The following PLCE1 variants were observed in gnomAD, a reference collection of about 807,000 sequenced individuals.
PLCE1 encodes the protein phospholipase C epsilon 1.
In PLCE1, 119 loss-of-function variants were observed where a neutral mutation model predicts 242.8. The ratio of observed to expected loss-of-function variants is 0.49; its 90% CI spans 0.42 to 0.57. The LOEUF (loss-of-function observed/expected upper bound fraction) is 0.57, where lower values mean the gene tolerates loss of function less well. Among genes scored for constraint, PLCE1 ranks in the 20% least tolerant of loss-of-function variants. The pLI is 0.00. For synonymous variants in PLCE1, 945 were observed against 1,017.4 expected (o/e 0.93, Z 1.35); for missense variants, 2,441 against 2,788.8 (o/e 0.88, Z 2.81).
intron 3 of PLCE1, among the ~76,000 whole-genome samples, chr10:94,162,337 T>C (rs985960616): frequency 6.6e-6 from 1 of 152,220 alleles, no homozygotes; most frequent in Non-Finnish European, 1.5e-5. Context: ...TTTCAGAGCC[T>C]GTTATTGGTC....
At chr10:94,227,147 G>A in intron 4 of PLCE1, 159 bp from the exon 5 acceptor site, 1 of 673,304 alleles carries the variant, frequency 1.5e-6, no homozygotes, top group Non-Finnish European at 2.7e-6. Context: ...AAAGTGCTGG[G>A]ATTACAGGCG....
chr10:94,014,492 C>T (rs961070946), intron 1 of PLCE1, among the ~76,000 whole-genome samples: 2 of 150,342 alleles, frequency 1.3e-5, no homozygotes, highest in Admixed American at 6.6e-5. Context: ...GTAGTCCCAG[C>T]TGAATGAGAT....
chr10:94,057,646 G>T (rs10882391), intron 2 of PLCE1, among the ~76,000 whole-genome samples: 47,459 of 152,046 alleles, frequency 0.31, 8,088 homozygotes, highest in African/African-American at 0.45. Context: ...TTTTTCTAAA[G>T]AGAACTTAAC....
chr10:94,268,345 T>C (rs77710466), intron 16 of PLCE1, among the ~76,000 whole-genome samples: 2,558 of 152,374 alleles, frequency 0.017, 27 homozygotes, highest in South Asian at 0.042. Context: ...TTGCCATCCC[T>C]GCTCTAGTTG....
At chr10:94,193,335 C>T (rs1332763559) in intron 4 of PLCE1, among the ~76,000 whole-genome samples, 3 of 152,126 alleles carry the variant, frequency 2.0e-5, no homozygotes, top group African/African-American at 4.8e-5. Flanking sequence ...AGAAGACTCA[C>T]AGCAAACAAA....
intron 20 of PLCE1, among the ~76,000 whole-genome samples, chr10:94,280,793 C>G (rs188015870): frequency 1.7e-4 from 26 of 152,280 alleles, no homozygotes; most frequent in African/African-American, 6.0e-4. Flanking sequence ...TGCATTAAGA[C>G]AACTGAGCCC....
At chr10:94,123,890 C>T (rs1370740998) in intron 2 of PLCE1, among the ~76,000 whole-genome samples, 1 of 152,086 alleles carries the variant, frequency 6.6e-6, no homozygotes, top group Non-Finnish European at 1.5e-5. Flanking sequence ...GTTTTTCTAG[C>T]TCAGGGCACT....
chr10:94,214,336 G>C (rs1454419204), intron 4 of PLCE1, among the ~76,000 whole-genome samples: 1 of 152,094 alleles, frequency 6.6e-6, no homozygotes, highest in Non-Finnish European at 1.5e-5. Flanking sequence ...CCTGAGGAGA[G>C]TGATTACATA....
At chr10:94,010,816 A>T (rs568291182) in intron 1 of PLCE1, among the ~76,000 whole-genome samples, 1 of 152,230 alleles carries the variant, frequency 6.6e-6, no homozygotes, top group South Asian at 2.1e-4. Flanking sequence ...CCTCATTTCC[A>T]TCTGAGACCT....
At chr10:94,102,672 C>G (rs1472549788) in intron 2 of PLCE1, among the ~76,000 whole-genome samples, 1 of 152,200 alleles carries the variant, frequency 6.6e-6, no homozygotes, top group Non-Finnish European at 1.5e-5. Context: ...AGAACTCATG[C>G]CAGCGCCTCT....
chr10:94,208,335 C>T (rs2049229488), intron 4 of PLCE1, among the ~76,000 whole-genome samples: 1 of 152,220 alleles, frequency 6.6e-6, no homozygotes, highest in Non-Finnish European at 1.5e-5. Flanking sequence ...AATGAAACCT[C>T]AGAGAGACCC....
intron 24 of PLCE1, among the ~76,000 whole-genome samples, chr10:94,299,233 C>T (rs894255008): frequency 6.6e-6 from 1 of 152,174 alleles, no homozygotes; most frequent in Non-Finnish European, 1.5e-5. Context: ...TCTGATATGA[C>T]GCCTAAAACT....
At chr10:94,058,149 G>C (rs1261826504) in intron 2 of PLCE1, among the ~76,000 whole-genome samples, 1 of 152,176 alleles carries the variant, frequency 6.6e-6, no homozygotes, top group African/African-American at 2.4e-5. Context: ...CAATGTCAAA[G>C]AGACATTTTT....
rs899183761 is a variant in PLCE1, at chr10:93,994,075, C to T, written c.-548C>T. ...GCGCGCCCGGGCTCTACCTCCCGGG[C>T]TCTGCCTCCCGGGCTCTGCCTCTCG... is the stretch of plus-strand genomic sequence containing the variant. On this transcript the variant is annotated 5_prime_UTR_variant, in exon 1 of 33. Coordinates refer to ENST00000371380, the MANE Select transcript of PLCE1 (RefSeq NM_016341.4). 1.3e-5 allele frequency among the ~76,000 whole-genome samples: 2 copies of T among 151,702 alleles called. No individual in the cohort carries two copies. Among genetic ancestry groups the T allele is most frequent in the African/African-American group, 4.8e-5 (2 of 41,400 alleles).
chr10:94,129,292 G>A (rs898110928), intron 2 of PLCE1, among the ~76,000 whole-genome samples: 2 of 152,244 alleles, frequency 1.3e-5, no homozygotes, highest in African/African-American at 4.8e-5. Context: ...ATTTGGCACA[G>A]CACTACGTCT....
At chr10:94,071,682 A>G (rs1399997427) in intron 2 of PLCE1, among the ~76,000 whole-genome samples, 1 of 151,362 alleles carries the variant, frequency 6.6e-6, no homozygotes, top group African/African-American at 2.4e-5. Flanking sequence ...TTTAATTTGT[A>G]GAGATGAGCT....
At chr10:94,178,432 G>T (rs761870290) in intron 4 of PLCE1, among the ~76,000 whole-genome samples, 3 of 152,076 alleles carry the variant, frequency 2.0e-5, no homozygotes, top group Non-Finnish European at 4.4e-5. Context: ...AATTCTGTGT[G>T]GTCAACCTGA....
intron 22 of PLCE1, 112 bp downstream of exon 22, chr10:94,285,077 G>A (rs991763708): frequency 3.0e-5 from 21 of 711,530 alleles, no homozygotes; most frequent in Non-Finnish European, 5.4e-5. Flanking sequence ...TTGTGTTGCT[G>A]AAATCATTGT....
In PLCE1 at chr10:94,081,449, A is replaced by G. The variant is rs115443678; in HGVS notation, c.1206+49197A>G. Among the ~76,000 whole-genome samples the G allele has an allele frequency of 9.3e-3, 1,410 of 152,256 alleles. 20 individuals are homozygous for G. Among genetic ancestry groups the G allele is most frequent in the African/African-American group, 0.032 (1,333 of 41,536 alleles). On this transcript the variant is annotated intron_variant, in intron 2 of 32. Transcript: ENST00000371380. ...AGGTATTCTCATCAAAATGTTTTAA[A>G]TGTTTTGTTTGTTACATTTTAACCT...
Sources: gnomAD v4.1 joint callset for allele counts (sites outside exome capture counted in the v4.1 genomes callset) on GRCh38, gnomAD v4.1.1 for gene constraint, MANE v1.5 for transcripts, NCBI Gene and HGNC (gene_info 2026-07-23, HGNC 2026-07-21) for gene names.